The following TPH2 variants were observed in gnomAD, a reference collection of about 807,000 sequenced individuals.
TPH2 encodes the protein tryptophan hydroxylase 2.
Under a neutral mutation model 59.1 loss-of-function variants are expected in TPH2, and 27 were observed. That is an observed-to-expected ratio of 0.46 (90% confidence interval 0.34 to 0.63). The LOEUF (loss-of-function observed/expected upper bound fraction) is 0.63. Ranked by LOEUF, TPH2 falls within the 30% of genes least tolerant of loss-of-function variation. The pLI, the probability that TPH2 is intolerant of heterozygous loss-of-function variation, is 0.01. For synonymous variants in TPH2, 220 were observed against 210.5 expected, an observed-to-expected ratio of 1.05 and a Z score of -0.39; for missense variants, 523 against 588.3, an observed-to-expected ratio of 0.89 and a Z score of 1.15.
intron 8 of TPH2, among the ~76,000 whole-genome samples, chr12:71,995,108 T>C (rs1872663019): frequency 1.3e-5 from 2 of 152,168 alleles, no homozygotes; most frequent in Admixed American, 1.3e-4. Flanking sequence ...CAACAAGCAA[T>C]AAGACACTGA....
chr12:72,016,391 C>G (rs923346649), intron 8 of TPH2, among the ~76,000 whole-genome samples: 2 of 151,922 alleles, frequency 1.3e-5, no homozygotes, highest in Admixed American at 6.6e-5. Context: ...TTTCTTGTTC[C>G]CCTTCTAAGT....
chr12:72,027,718 T>C (rs1384006616), intron 9 of TPH2, among the ~76,000 whole-genome samples: 1 of 152,148 alleles, frequency 6.6e-6, no homozygotes, highest in African/African-American at 2.4e-5. Flanking sequence ...TCTTAACTTG[T>C]GCGCCAAAGT....
At chr12:71,987,033 T>C (rs373684643) in intron 7 of TPH2, among the ~76,000 whole-genome samples, 115 of 152,310 alleles carry the variant, frequency 7.6e-4, no homozygotes, top group South Asian at 1.9e-3. Flanking sequence ...GGAGCAGACA[T>C]TTCCCACACA....
At chr12:71,961,713 T>C (rs1486024589) in intron 5 of TPH2, 1 of 1,348,970 alleles carries the variant, frequency 7.4e-7, no homozygotes, top group East Asian at 4.6e-5. Flanking sequence ...TGATAGTTTT[T>C]GCAGATGAAA....
At chr12:71,967,136 T>C (rs1403544824) in intron 5 of TPH2, among the ~76,000 whole-genome samples, 2 of 152,208 alleles carry the variant, frequency 1.3e-5, no homozygotes, top group Non-Finnish European at 2.9e-5. Flanking sequence ...ATGTGTTTGT[T>C]AAACAACTTC....
At chr12:71,999,118 GC>G (rs1320721461) in intron 8 of TPH2, among the ~76,000 whole-genome samples, 2 of 152,188 alleles carry the variant, frequency 1.3e-5, no homozygotes, top group East Asian at 3.8e-4. Flanking sequence ...GTCCAAAGCA[GC>G]TTTTGAACTT....
intron 6 of TPH2, among the ~76,000 whole-genome samples, chr12:71,974,328 C>T (rs1005885941): frequency 5.3e-5 from 8 of 152,194 alleles, no homozygotes; most frequent in African/African-American, 1.7e-4. Context: ...AGTTATCTCA[C>T]AGCTCTGGAG....
At chr12:72,003,097 C>T (rs1872868011) in intron 8 of TPH2, among the ~76,000 whole-genome samples, 1 of 152,170 alleles carries the variant, frequency 6.6e-6, no homozygotes, top group African/African-American at 2.4e-5. Flanking sequence ...TCCCTCTTGT[C>T]TTTGCCTACC....
chr12:71,941,637 C>A lies in TPH2; in HGVS notation c.159C>A (p.Ser53Arg), dbSNP rs146693226. ...ACGACAAAGGCAACAAGGGAAGCAG[C>A]AAACGTGAAGCTGCTACCGAAAGTG... ...KNDDKGNKGS[S>R]KREAATESGK... The change falls in exon 2 of 11, where the codon AGC becomes AGA. Residue 53 changes from serine to arginine, a missense_variant. Coordinates refer to ENST00000333850, the MANE Select transcript of TPH2 (RefSeq NM_173353.4). 52 of 1,614,082 alleles carry A rather than the reference C, an allele frequency of 3.2e-5. No individual in the cohort carries two copies. In the African/African-American group the frequency reaches 5.2e-4, roughly 16 times the overall value.
chr12:71,939,174 A>G (rs1870984657), intron 1 of TPH2, 83 bp downstream of exon 1: 2 of 1,055,770 alleles, frequency 1.9e-6, no homozygotes, highest in Admixed American at 1.9e-5. Context: ...TCCCTTTTGT[A>G]GTGTAAGCAC....
At chr12:71,983,354 T>C (rs764340595) in intron 7 of TPH2, among the ~76,000 whole-genome samples, 39 of 152,180 alleles carry the variant, frequency 2.6e-4, no homozygotes, top group Non-Finnish European at 5.3e-4. Context: ...TTCTTACTAA[T>C]TGGGTAATGA....
At chr12:72,015,258 AC>A (rs2139238887) in intron 8 of TPH2, among the ~76,000 whole-genome samples, 1 of 150,636 alleles carries the variant, frequency 6.6e-6, no homozygotes, top group East Asian at 2.0e-4. Context: ...TAGTAAAAAC[AC>A]TGTGAAAGGA....
At chr12:71,973,462 C>T (rs1872029993) in intron 6 of TPH2, among the ~76,000 whole-genome samples, 1 of 152,194 alleles carries the variant, frequency 6.6e-6, no homozygotes, top group Non-Finnish European at 1.5e-5. Context: ...TTTACAGATG[C>T]CATGGCAATG....
At chr12:71,987,904 A>G (rs752945114) in intron 7 of TPH2, among the ~76,000 whole-genome samples, 1 of 152,184 alleles carries the variant, frequency 6.6e-6, no homozygotes, top group African/African-American at 2.4e-5. Flanking sequence ...TCTCCACTTT[A>G]TAGATGAGAA....
At chr12:71,952,746 A>G (rs1204744306) in intron 5 of TPH2, among the ~76,000 whole-genome samples, 1 of 152,126 alleles carries the variant, frequency 6.6e-6, no homozygotes, top group Non-Finnish European at 1.5e-5. Flanking sequence ...GTGCAACCTC[A>G]TTGTGCCAAG....
intron 8 of TPH2, among the ~76,000 whole-genome samples, chr12:72,002,312 C>G (rs1240965039): frequency 6.6e-6 from 1 of 151,854 alleles, no homozygotes; most frequent in African/African-American, 2.4e-5. Context: ...ACAGGTGTCA[C>G]TGGATGAGGG....
chr12:71,962,624 C>T, intron 5 of TPH2: 1 of 985,428 alleles, frequency 1.0e-6, no homozygotes, highest in African/African-American at 1.7e-5. Flanking sequence ...ACCTGCCAGA[C>T]TCTCTGAGGC....
At chr12:71,982,811 G>T (rs1192887306) in intron 7 of TPH2, among the ~76,000 whole-genome samples, 3 of 152,202 alleles carry the variant, frequency 2.0e-5, no homozygotes, top group Admixed American at 6.5e-5. Flanking sequence ...GACCCAGGTA[G>T]AAATGAGCAT....
At chr12:72,025,876 C>T (rs1410850875) in intron 9 of TPH2, among the ~76,000 whole-genome samples, 2 of 152,106 alleles carry the variant, frequency 1.3e-5, no homozygotes, top group South Asian at 2.1e-4. Flanking sequence ...ATATGTCTAT[C>T]GTTTTTTTGA....
Sources: allele counts gnomAD v4.1 joint callset (sites outside exome capture counted in the v4.1 genomes callset), GRCh38; gene constraint gnomAD v4.1.1; transcripts MANE v1.5; gene names NCBI Gene and HGNC (gene_info 2026-07-23, HGNC 2026-07-21).